ATL3: variants seen among roughly 807,000 people sequenced by gnomAD.
ATL3 encodes the protein atlastin GTPase 3.
ATL3 carries 49 observed loss-of-function variants against 69.5 expected under a neutral mutation model. The ratio of observed to expected loss-of-function variants is 0.71; its 90% CI spans 0.56 to 0.89. The LOEUF (loss-of-function observed/expected upper bound fraction) is 0.89, where lower values mean the gene tolerates loss of function less well. ATL3 is among the 40% of genes least tolerant of loss of function. ATL3 has a pLI of 0.00. For missense variants in ATL3, 606 were observed against 645.7 expected (o/e 0.94, Z 0.67); for synonymous variants, 214 against 224.1 (o/e 0.95, Z 0.40).
At chr11:63,641,441 A>C (rs1939697965) in intron 8 of ATL3, among the ~76,000 whole-genome samples, 1 of 152,230 alleles carries the variant, frequency 6.6e-6, no homozygotes, top group Non-Finnish European at 1.5e-5. Context: ...AAAGGAGGTC[A>C]TACTGGATTA....
chr11:63,652,335 A>C (rs1590736110), intron 4 of ATL3, 136 bp downstream of exon 4: 1 of 590,518 alleles, frequency 1.7e-6, no homozygotes, highest in East Asian at 3.2e-5. Flanking sequence ...TTAAAAGTTT[A>C]ACTGCATCTA....
chr11:63,668,280 G>A (rs745393811), intron 1 of ATL3, among the ~76,000 whole-genome samples: 3 of 152,106 alleles, frequency 2.0e-5, no homozygotes, highest in Non-Finnish European at 2.9e-5. Context: ...CAAAGCCAGA[G>A]AAAACATCAT....
At chr11:63,634,149 C>T (rs1482877642) in intron 10 of ATL3, among the ~76,000 whole-genome samples, 2 of 144,490 alleles carry the variant, frequency 1.4e-5, no homozygotes, top group Non-Finnish European at 3.0e-5. Context: ...GAATTCAACA[C>T]CAGCCTGCTC....
intron 1 of ATL3, among the ~76,000 whole-genome samples, chr11:63,661,306 C>A (rs1441744164): frequency 6.6e-6 from 1 of 151,922 alleles, no homozygotes; most frequent in South Asian, 2.1e-4. Context: ...TCAAAAAGAT[C>A]TTTAGGTGGT....
At chr11:63,650,263 G>A (rs1169882226) in intron 5 of ATL3, among the ~76,000 whole-genome samples, 2 of 152,054 alleles carry the variant, frequency 1.3e-5, no homozygotes, top group Admixed American at 1.3e-4. Context: ...GAAGAAACAA[G>A]GCATATTTCT....
intron 1 of ATL3, among the ~76,000 whole-genome samples, chr11:63,667,083 C>T (rs1239159766): frequency 6.6e-6 from 1 of 152,140 alleles, no homozygotes; most frequent in African/African-American, 2.4e-5. Context: ...GAATCATTCC[C>T]TTTTCCAGAG....
In ATL3 at chr11:63,631,227, A is replaced by G; in HGVS notation, c.1352T>C (p.Ile451Thr). 6.2e-7 allele frequency: 1 copy of G among 1,614,220 alleles called. No homozygotes were observed. The highest frequency in any genetic ancestry group is 8.5e-7 in the Non-Finnish European group (1 of 1,180,034). ...FRTPAVLFTG[I>T]VALYIASGLT... ...GCCTGAGGCTATGTACAAAGCTACA[A>G]TGCCCGTGAACAGCACTGCAGGGGT... The change falls in exon 12 of 13, where the codon ATT (isoleucine) becomes ACT (threonine). Residue 451 changes from isoleucine to threonine, a missense_variant. Ile to Thr is a moderately conservative substitution (Grantham distance 89). Coordinates refer to ENST00000398868, the MANE Select transcript of ATL3 (RefSeq NM_015459.5).
Position 63,627,078 on chromosome 11 carries a change from T to C in ATL3, c.*2241A>G, listed in dbSNP as rs1590712067. 1 of 152,220 alleles carries C rather than the reference T, an allele frequency of 6.6e-6. No individual in the cohort carries two copies. The highest frequency in any genetic ancestry group is 2.4e-5 in the African/African-American group (1 of 41,468). 9.4% of individuals were successfully genotyped at this position (152,220 alleles called of 1,614,324 possible). ...ATTAAATCATACATTATCACTTTTT[T>C]TAAAGTGACCTAATACTTTAGTATG... On this transcript the variant is annotated 3_prime_UTR_variant, in exon 13 of 13. Coordinates refer to ENST00000398868, the MANE Select transcript of ATL3 (RefSeq NM_015459.5).
intron 11 of ATL3, 60 bp downstream of exon 11, chr11:63,632,966 G>A (rs374642752): frequency 6.7e-7 from 1 of 1,498,486 alleles, no homozygotes; most frequent in African/African-American, 1.4e-5. Context: ...TTGGGCTTTT[G>A]AAGTCAGCAA....
At chr11:63,655,777 C>T (rs1940223072) in intron 3 of ATL3, among the ~76,000 whole-genome samples, 1 of 151,864 alleles carries the variant, frequency 6.6e-6, no homozygotes, top group Non-Finnish European at 1.5e-5. Context: ...TGTGGAACAA[C>T]TTCAAGCAGC....
intron 1 of ATL3, among the ~76,000 whole-genome samples, chr11:63,664,725 C>T (rs780708212): frequency 2.0e-5 from 3 of 150,314 alleles, no homozygotes; most frequent in African/African-American, 7.3e-5. Context: ...CGGGTTCAAG[C>T]GACTCCCGAG....
intron 1 of ATL3, among the ~76,000 whole-genome samples, chr11:63,665,460 C>T (rs1195689252): frequency 6.6e-6 from 1 of 152,042 alleles, no homozygotes; most frequent in Non-Finnish European, 1.5e-5. Flanking sequence ...CTCATCTCTT[C>T]CTCTCCCTGT....
At chr11:63,638,253 G>T (rs1411473503) in intron 8 of ATL3, among the ~76,000 whole-genome samples, 1 of 152,142 alleles carries the variant, frequency 6.6e-6, no homozygotes, top group Non-Finnish European at 1.5e-5. Flanking sequence ...TGGTGTCAAA[G>T]AAGACTGTGC....
At chr11:63,630,563 C>T (rs1406263205) in intron 12 of ATL3, among the ~76,000 whole-genome samples, 5 of 151,684 alleles carry the variant, frequency 3.3e-5, no homozygotes, top group East Asian at 1.9e-4. Context: ...TTTGGGAGGC[C>T]GAGGCAGGCG....
upstream of ATL3, chr11:63,671,627 G>T (rs1360164978): frequency 1.4e-6 from 2 of 1,420,932 alleles, no homozygotes; most frequent in Non-Finnish European, 9.2e-7. Context: ...GAAGCGAGCC[G>T]CCGGGTACCT....
At position 63,640,594 on chromosome 11, in the gene ATL3, CTTT is replaced by C. The variant is rs1172516886; in HGVS notation, c.850+2760_850+2762del. Among the ~76,000 whole-genome samples the C allele has an allele frequency of 3.0e-4, 25 of 84,330 alleles. No individual in the cohort carries two copies. In the South Asian group the frequency reaches 7.4e-3, roughly 25 times the overall value. 55.3% of individuals were successfully genotyped at this position (84,330 alleles called of 152,430 possible). Reference sequence around the variant, plus strand: ...TATGATAATAATGCTACCATAGTATCTTTTTTTTTTTTTTTTTTTTTTTTTTTG... The same window carrying C: ...TATGATAATAATGCTACCATAGTATCTTTTTTTTTTTTTTTTTTTTTTTTG... On this transcript the variant is annotated intron_variant, in intron 8 of 12. Transcript: ENST00000398868.
chr11:63,647,942 C>T (rs1362564424), intron 5 of ATL3, among the ~76,000 whole-genome samples: 1 of 152,088 alleles, frequency 6.6e-6, no homozygotes, highest in African/African-American at 2.4e-5. Context: ...AGTAGAAATC[C>T]CTGAAATGCT....
chr11:63,648,763 C>T (rs1228890346), intron 5 of ATL3, among the ~76,000 whole-genome samples: 4 of 151,448 alleles, frequency 2.6e-5, no homozygotes, highest in Admixed American at 6.6e-5. Flanking sequence ...GAGCCGAGAT[C>T]GCACCACTGC....
intron 8 of ATL3, among the ~76,000 whole-genome samples, chr11:63,639,133 A>G (rs1939613005): frequency 6.6e-6 from 1 of 152,194 alleles, no homozygotes; most frequent in South Asian, 2.1e-4. Context: ...TAGTTCTACT[A>G]ACAGGTCTCC....
Sources: gnomAD v4.1 joint callset for allele counts (sites outside exome capture counted in the v4.1 genomes callset) on GRCh38, gnomAD v4.1.1 for gene constraint, MANE v1.5 for transcripts, NCBI Gene and HGNC (gene_info 2026-07-23, HGNC 2026-07-21) for gene names.